Variants in GNA14 observed in about 807,000 individuals in gnomAD.
GNA14 encodes the protein guanine nucleotide-binding protein subunit alpha-14.
GNA14 carries 50 observed loss-of-function variants against 42.0 expected under a neutral mutation model. The ratio of observed to expected loss-of-function variants is 1.19; its 90% CI spans 0.95 to 1.51. The LOEUF is 1.51. Among genes scored for constraint, GNA14 ranks in the 40% most tolerant of loss-of-function variants. The pLI is 0.00. For missense variants in GNA14, 473 were observed against 446.2 expected, an observed-to-expected ratio of 1.06 and a Z score of -0.54; for synonymous variants, 173 against 163.1, an observed-to-expected ratio of 1.06 and a Z score of -0.46.
intron 2 of GNA14, among the ~76,000 whole-genome samples, chr9:77,528,577 G>A (rs1837477640): frequency 6.6e-6 from 1 of 152,088 alleles, no homozygotes; most frequent in Non-Finnish European, 1.5e-5. Context: ...CATTAGCATT[G>A]TGCTCACGAG....
chr9:77,518,731 C>G (rs994127532), intron 2 of GNA14, among the ~76,000 whole-genome samples: 3 of 152,200 alleles, frequency 2.0e-5, no homozygotes, highest in Admixed American at 6.5e-5. Context: ...ATCTTCTTAT[C>G]TTTAATGAAT....
intron 2 of GNA14, among the ~76,000 whole-genome samples, chr9:77,492,128 C>T (rs1446563146): frequency 1.3e-5 from 2 of 151,924 alleles, no homozygotes; most frequent in Non-Finnish European, 2.9e-5. Flanking sequence ...GGAAATACAA[C>T]ATACCAAAAT....
At chr9:77,462,733 G>GA (rs1431475704) in intron 2 of GNA14, among the ~76,000 whole-genome samples, 1 of 1,334 alleles carries the variant, frequency 7.5e-4, no homozygotes, top group African/African-American at 2.4e-3. Context: ...GGCGGGGGGT[G>GA]GGGGGGTGGG....
chr9:77,495,089 C>G (rs1414868712), intron 2 of GNA14, among the ~76,000 whole-genome samples: 2 of 152,084 alleles, frequency 1.3e-5, no homozygotes, highest in Admixed American at 6.6e-5. Context: ...CATGAGCCAC[C>G]ATGCCTGGCC....
intron 1 of GNA14, among the ~76,000 whole-genome samples, chr9:77,617,777 C>T (rs1337133275): frequency 1.3e-5 from 2 of 152,102 alleles, no homozygotes; most frequent in African/African-American, 4.8e-5. Flanking sequence ...AGCCCATTTC[C>T]ACCTCAGGCT....
At chr9:77,441,836 A>G (rs1835742583) in intron 2 of GNA14, among the ~76,000 whole-genome samples, 1 of 152,226 alleles carries the variant, frequency 6.6e-6, no homozygotes, top group African/African-American at 2.4e-5. Flanking sequence ...TATGTGTTCT[A>G]TTAAAAATTA....
intron 1 of GNA14, among the ~76,000 whole-genome samples, chr9:77,623,791 C>G (rs757320615): frequency 1.3e-5 from 2 of 152,208 alleles, no homozygotes; most frequent in Admixed American, 6.5e-5. Context: ...GAGATTCCCT[C>G]GGGTGCCTAC....
At chr9:77,483,432 G>A (rs1290070666) in intron 2 of GNA14, among the ~76,000 whole-genome samples, 2 of 152,174 alleles carry the variant, frequency 1.3e-5, no homozygotes, top group African/African-American at 4.8e-5. Context: ...TCCTCTGGAA[G>A]TTTTGTGTCA....
At chr9:77,610,963 G>T (rs1823720465) in intron 1 of GNA14, among the ~76,000 whole-genome samples, 1 of 152,152 alleles carries the variant, frequency 6.6e-6, no homozygotes, top group Non-Finnish European at 1.5e-5. Flanking sequence ...TTTTGTCCTT[G>T]CCAAATTGGG....
At chr9:77,566,399 C>T (rs1822969003) in intron 1 of GNA14, among the ~76,000 whole-genome samples, 1 of 151,912 alleles carries the variant, frequency 6.6e-6, no homozygotes, top group East Asian at 1.9e-4. Flanking sequence ...AAGTGATCTG[C>T]CCGCCTCAGC....
chr9:77,616,020 C>G (rs1823809947), intron 1 of GNA14, among the ~76,000 whole-genome samples: 1 of 152,098 alleles, frequency 6.6e-6, no homozygotes, highest in Admixed American at 6.5e-5. Context: ...CAGGGTTTGT[C>G]TGAAATCTCA....
chr9:77,588,995 T>G (rs1013907824), intron 1 of GNA14, among the ~76,000 whole-genome samples: 7 of 152,168 alleles, frequency 4.6e-5, no homozygotes, highest in Non-Finnish European at 8.8e-5. Context: ...AAAGAACTGT[T>G]TGTTTGCTTT....
chr9:77,429,597 G>T (rs949048354), intron 4 of GNA14, among the ~76,000 whole-genome samples: 1 of 152,142 alleles, frequency 6.6e-6, no homozygotes, highest in African/African-American at 2.4e-5. Flanking sequence ...AAAAATTTCA[G>T]CAACTCCTAG....
intron 2 of GNA14, among the ~76,000 whole-genome samples, chr9:77,447,338 C>G (rs1835837740): frequency 6.6e-6 from 1 of 152,214 alleles, no homozygotes; most frequent in South Asian, 2.1e-4. Context: ...TCCCGTTTCT[C>G]AGACCCAAAC....
chr9:77,435,331 TGGGTGACA>T (rs1835625894), intron 2 of GNA14, among the ~76,000 whole-genome samples: 1 of 152,048 alleles, frequency 6.6e-6, no homozygotes, highest in Non-Finnish European at 1.5e-5. Flanking sequence ...CACTCCAGCC[TGGGTGACA>T]GAGCGAGACT....
Position 77,599,143 on chromosome 9 carries a change from A to G in GNA14, c.124+48527T>C, listed in dbSNP as rs184043995. On this transcript the variant is annotated intron_variant, in intron 1 of 6. Coordinates refer to ENST00000341700, the MANE Select transcript of GNA14 (RefSeq NM_004297.4). ...GTCAGGAAATTTTTCAGAGTAATTG[A>G]TATTAGAGTTCAGTTTGGCAAAATG... is the stretch of plus-strand genomic sequence containing the variant. Among the ~76,000 whole-genome samples the G allele has an allele frequency of 2.7e-4, 41 of 152,336 alleles. 4 individuals are homozygous for G. The highest frequency in any genetic ancestry group is 9.1e-4 in the African/African-American group (38 of 41,586).
In GNA14 at chr9:77,519,714, T is replaced by C. The variant is rs1837320587; in HGVS notation, c.309+9355A>G. Among the ~76,000 whole-genome samples the C allele has an allele frequency of 2.0e-5, 3 of 152,008 alleles. No homozygotes were observed. The South Asian group carries it at 6.2e-4, about 32-fold the overall frequency. On this transcript the variant is annotated intron_variant, in intron 2 of 6. Transcript: ENST00000341700. ...ACAATGTACACTACTTGGTGATGGT[T>C]ACACTGAAAGCCCAGACCAGACATG...
At chr9:77,491,732 C>T (rs1836778795) in intron 2 of GNA14, among the ~76,000 whole-genome samples, 1 of 152,158 alleles carries the variant, frequency 6.6e-6, no homozygotes, top group Admixed American at 6.5e-5. Flanking sequence ...TTCAACATCC[C>T]ACTCTCAGTA....
intron 1 of GNA14, among the ~76,000 whole-genome samples, chr9:77,641,902 G>C (rs28625213): frequency 0.026 from 4,004 of 152,234 alleles, 162 homozygotes; most frequent in African/African-American, 0.083. Context: ...GGAAAAAAAG[G>C]CCACAATACA....
Sources: allele counts gnomAD v4.1 joint callset (sites outside exome capture counted in the v4.1 genomes callset), GRCh38; gene constraint gnomAD v4.1.1; transcripts MANE v1.5; gene names NCBI Gene and HGNC (gene_info 2026-07-23, HGNC 2026-07-21).